The following DCHS2 variants were observed in gnomAD, a reference collection of about 807,000 sequenced individuals.
The protein encoded by DCHS2 is protocadherin-23.
Under a neutral mutation model 182.4 loss-of-function variants are expected in DCHS2, and 142 were observed. That is an observed-to-expected ratio of 0.78 (90% CI 0.68 to 0.89). The LOEUF (loss-of-function observed/expected upper bound fraction) is 0.89. DCHS2 is among the 40% of genes least tolerant of loss of function. The pLI is 0.00. For missense variants in DCHS2, 4,319 were observed against 4,198.6 expected (o/e 1.03, Z -0.79); for synonymous variants, 1,740 against 1,663.3 (o/e 1.05, Z -1.12).
At chr4:154,275,937 A>T (rs561693354) in intron 13 of DCHS2, among the ~76,000 whole-genome samples, 1 of 152,182 alleles carries the variant, frequency 6.6e-6, no homozygotes, top group Non-Finnish European at 1.5e-5. Context: ...ATTGTAGCAC[A>T]AAAGAATTTC....
chr4:154,412,004 T>C (rs1732652145), intron 1 of DCHS2, among the ~76,000 whole-genome samples: 1 of 152,208 alleles, frequency 6.6e-6, no homozygotes, highest in Non-Finnish European at 1.5e-5. Flanking sequence ...TTCAGAGGAA[T>C]AGAGTTTAAT....
At position 154,331,505 on chromosome 4, in the gene DCHS2, A is replaced by C. The variant is rs184203826; in HGVS notation, c.3730+973T>G. ...GGAGTCTCAGTTTAGGGAGTGAATGAGAGTGGAAAGGCAGCTTGCAACCTT... is the reference window on the plus strand; with the variant it reads ...GGAGTCTCAGTTTAGGGAGTGAATGCGAGTGGAAAGGCAGCTTGCAACCTT... On this transcript the variant is annotated intron_variant, in intron 5 of 19. Coordinates refer to ENST00000357232, the MANE Select transcript of DCHS2 (RefSeq NM_001358235.2). 312 of 1,480,784 alleles carry C rather than the reference A, an allele frequency of 2.1e-4. 4 individuals are homozygous for C. The African/African-American group carries it at 3.9e-3, about 19-fold the overall frequency. 91.7% of individuals were successfully genotyped at this position (1,480,784 alleles called of 1,614,324 possible). A position where few individuals can be genotyped will look rare whatever the true frequency, so the allele number is the denominator to read the frequency against.
chr4:154,293,060 T>G (rs1425708580), intron 13 of DCHS2, among the ~76,000 whole-genome samples: 1 of 152,208 alleles, frequency 6.6e-6, no homozygotes, highest in Admixed American at 6.5e-5. Flanking sequence ...TACTTTAGAT[T>G]TTCTTCTCAG....
intron 9 of DCHS2, among the ~76,000 whole-genome samples, chr4:154,319,025 C>G (rs1310856808): frequency 6.6e-6 from 1 of 151,958 alleles, no homozygotes; most frequent in African/African-American, 2.4e-5. Context: ...GAGTAAAGAG[C>G]CCAGAAATAA....
At chr4:154,257,031 C>A (rs115337178) in intron 15 of DCHS2, among the ~76,000 whole-genome samples, 1 of 152,018 alleles carries the variant, frequency 6.6e-6, no homozygotes, top group African/African-American at 2.4e-5. Flanking sequence ...GGGTGGATTA[C>A]GAGGTTAAGA....
chr4:154,343,917 A>G (rs958570013), intron 3 of DCHS2, among the ~76,000 whole-genome samples: 11 of 152,288 alleles, frequency 7.2e-5, no homozygotes, highest in African/African-American at 2.6e-4. Context: ...GCTTAATCAT[A>G]TCTAGCTTTT....
intron 16 of DCHS2, among the ~76,000 whole-genome samples, chr4:154,243,468 C>T (rs564759350): frequency 2.6e-5 from 4 of 152,268 alleles, no homozygotes; most frequent in South Asian, 2.1e-4. Flanking sequence ...TCTCTCACCA[C>T]CCTTCCAATG....
intron 3 of DCHS2, among the ~76,000 whole-genome samples, chr4:154,344,780 T>C (rs759608014): frequency 6.6e-6 from 1 of 152,180 alleles, no homozygotes; most frequent in Non-Finnish European, 1.5e-5. Flanking sequence ...CCTGTGCAGC[T>C]GAGACTCAGG....
At chr4:154,332,351 A>T (rs1561048149) in intron 5 of DCHS2, 127 bp downstream of exon 5, 1 of 771,930 alleles carries the variant, frequency 1.3e-6, no homozygotes, top group Non-Finnish European at 2.0e-6. Flanking sequence ...CTAATGCTAT[A>T]CCTAACGACT....
chr4:154,336,175 A>G (rs904267600), intron 3 of DCHS2, among the ~76,000 whole-genome samples: 2 of 152,222 alleles, frequency 1.3e-5, no homozygotes, highest in African/African-American at 4.8e-5. Flanking sequence ...TGTAAAGACA[A>G]TGGGGACAAG....
rs760247404 is a variant in DCHS2 at position 154,333,382 on chromosome 4, C to T, written c.2826G>A (p.Thr942=). 1.2e-6 allele frequency: 2 copies of T among 1,614,128 alleles called. No individual in the cohort carries two copies. The highest frequency in any genetic ancestry group is 2.2e-5 in the South Asian group (2 of 91,080). ...GCACCGTGAGCACAACCACGGGCTG[C>T]GTCTCGTGATCCAGGGGCTTCCGGG... is the stretch of plus-strand genomic sequence containing the variant. The part of the protein sequence containing the change: ...IRTRKPLDHE[T]QPVVVLTVQA... The change falls in exon 5 of 20, where the codon ACG becomes ACA. Residue 942 remains threonine, a synonymous_variant. Coordinates refer to ENST00000357232, the MANE Select transcript of DCHS2 (RefSeq NM_001358235.2).
chr4:154,333,169 G>A lies in DCHS2; in HGVS notation c.3039C>T (p.Leu1013=). Residue 1013 remains leucine (L), a synonymous_variant, in exon 5 of 20, where the codon CTC becomes CTT. Coordinates refer to ENST00000357232, the MANE Select transcript of DCHS2 (RefSeq NM_001358235.2). ...AEDRDSGRNG[L]IRYSIASPQP... is the part of the protein sequence containing the mutation. ...GCGGGCTGGCGATGGAGTACCGGAT[G>A]AGTCCGTTCCGCCCACTGTCTCTGT... The A allele has an allele frequency of 6.2e-7, 1 of 1,614,224 alleles. No individual in the cohort carries two copies. Among genetic ancestry groups the A allele is most frequent in the Non-Finnish European group, 8.5e-7 (1 of 1,180,044 alleles).
At chr4:154,251,720 T>C (rs1732370171) in intron 16 of DCHS2, among the ~76,000 whole-genome samples, 1 of 152,072 alleles carries the variant, frequency 6.6e-6, no homozygotes, top group Admixed American at 6.6e-5. Context: ...GGTTTTGCCA[T>C]GTTGACCAGG....
At chr4:154,262,315 T>A (rs1376484259) in intron 14 of DCHS2, 3 of 152,136 alleles carry the variant, frequency 2.0e-5, no homozygotes, top group Non-Finnish European at 4.4e-5. Context: ...CAATAACCAG[T>A]CTGTGGGATG....
intron 2 of DCHS2, among the ~76,000 whole-genome samples, chr4:154,376,461 A>AT (rs1289804110): frequency 1.3e-5 from 2 of 151,894 alleles, no homozygotes; most frequent in South Asian, 2.1e-4. Context: ...TATTAAAAAA[A>AT]ACTGGTAAAA....
chr4:154,375,560 T>G (rs1045474044), intron 2 of DCHS2, among the ~76,000 whole-genome samples: 2 of 151,870 alleles, frequency 1.3e-5, no homozygotes, highest in African/African-American at 4.8e-5. Context: ...ATTATACGAA[T>G]AGCAATAAAC....
At chr4:154,246,510 A>G (rs1426046124) in intron 16 of DCHS2, among the ~76,000 whole-genome samples, 1 of 152,214 alleles carries the variant, frequency 6.6e-6, no homozygotes, top group African/African-American at 2.4e-5. Context: ...CTTATATCTA[A>G]GAATCAACAC....
intron 13 of DCHS2, among the ~76,000 whole-genome samples, chr4:154,283,625 G>GCA (rs1734259429): frequency 6.6e-6 from 1 of 152,128 alleles, no homozygotes; most frequent in African/African-American, 2.4e-5. Context: ...ATTTAAAAAT[G>GCA]CACACATAGC....
intron 1 of DCHS2, among the ~76,000 whole-genome samples, chr4:154,400,829 A>G (rs963820664): frequency 6.6e-6 from 1 of 151,790 alleles, no homozygotes; most frequent in Non-Finnish European, 1.5e-5. Flanking sequence ...CTGTCCACCT[A>G]CTCCATGCTC....
Sources: gnomAD v4.1 joint callset for allele counts (sites outside exome capture counted in the v4.1 genomes callset) on GRCh38, gnomAD v4.1.1 for gene constraint, MANE v1.5 for transcripts, NCBI Gene and HGNC (gene_info 2026-07-23, HGNC 2026-07-21) for gene names.